Variants in COL9A1 observed in about 807,000 individuals in gnomAD.
COL9A1 encodes the protein collagen type IX alpha 1 chain.
COL9A1 carries 104 observed loss-of-function variants against 142.6 expected under a neutral mutation model. The ratio of observed to expected loss-of-function variants is 0.73; its 90% CI spans 0.62 to 0.86. COL9A1 has a LOEUF of 0.86. Among genes scored for constraint, COL9A1 ranks in the 40% least tolerant of loss-of-function variants. COL9A1 has a pLI of 0.00. For synonymous variants in COL9A1, 466 were observed against 396.0 expected (o/e 1.18, Z -2.10); for missense variants, 1,210 against 1,176.6 (o/e 1.03, Z -0.42).
intron 28 of COL9A1, among the ~76,000 whole-genome samples, chr6:70,247,895 G>T (rs1719915814): frequency 6.6e-6 from 1 of 152,188 alleles, no homozygotes; most frequent in South Asian, 2.1e-4. Context: ...GAGTGGGAGG[G>T]TGGCTTAGAT....
At chr6:70,269,848 G>T (rs1452402055) in intron 15 of COL9A1, among the ~76,000 whole-genome samples, 183 bp from the exon 16 acceptor site, 1 of 152,162 alleles carries the variant, frequency 6.6e-6, no homozygotes, top group African/African-American at 2.4e-5. Context: ...GGAGAGCCAT[G>T]AATTGCAGTA....
In COL9A1 at chr6:70,300,170, C is replaced by A; in HGVS notation, c.172G>T (p.Asp58Tyr). 1 of 1,613,778 alleles carries A rather than the reference C, an allele frequency of 6.2e-7. No homozygotes were observed. The highest frequency in any genetic ancestry group is 8.5e-7 in the Non-Finnish European group (1 of 1,179,910). ...TCTACCTGGAACTGAGAGATCAGAT[C>A]AAACCCTATAGAATGGGAATACAAA... ...RIGQDDLPGFDLISQFQVDKA... is the reference protein window; with the variant it reads ...RIGQDDLPGFYLISQFQVDKA... The change falls in exon 4 of 38, where the codon GAT becomes TAT. Residue 58 changes from aspartate to tyrosine, a missense_variant. By Grantham distance (160) the Asp-to-Tyr change is radical (BLOSUM62 -3). Coordinates refer to ENST00000357250, the MANE Select transcript of COL9A1 (RefSeq NM_001851.6).
chr6:70,267,327 G>GTTTTTTTT lies in COL9A1; in HGVS notation c.1288-565_1288-558dup, dbSNP rs61373051. Among the ~76,000 whole-genome samples, 207 of 127,058 alleles carry GTTTTTTTT rather than the reference G, an allele frequency of 1.6e-3. 11 individuals carry two copies. Among genetic ancestry groups the GTTTTTTTT allele is most frequent in the African/African-American group, 5.8e-3 (196 of 33,662 alleles). 83.4% of individuals were successfully genotyped at this position (127,058 alleles called of 152,430 possible). A position where few individuals can be genotyped will look rare whatever the true frequency, so the allele number is the denominator to read the frequency against. ...TTGTTGTTGTTTGTTTGGTTTTTTT[G>GTTTTTTTT]TTTTTTTTTTTTGAGATGGAGCTTC... On this transcript the variant is annotated intron_variant, in intron 17 of 37. Coordinates refer to ENST00000357250, the MANE Select transcript of COL9A1 (RefSeq NM_001851.6).
At chr6:70,217,343 G>A (rs962564715) in intron 37 of COL9A1, among the ~76,000 whole-genome samples, 10 of 152,134 alleles carry the variant, frequency 6.6e-5, no homozygotes, top group South Asian at 2.1e-4. Flanking sequence ...GAGCTGCACC[G>A]TGCACCATGG....
intron 10 of COL9A1, 76 bp downstream of exon 10, chr6:70,280,732 TCCCC>T: frequency 2.2e-6 from 3 of 1,376,502 alleles, no homozygotes; most frequent in Non-Finnish European, 3.0e-6. Flanking sequence ...TCTCTCTCCC[TCCCC>T]CCCCACAAAA....
intron 28 of COL9A1, among the ~76,000 whole-genome samples, chr6:70,248,804 T>TGAAAACGAC (rs1770752250): frequency 6.6e-6 from 1 of 152,164 alleles, no homozygotes; most frequent in South Asian, 2.1e-4. Context: ...AACACAGCGG[T>TGAAAACGAC]GAAAACGACA....
intron 36 of COL9A1, 34 bp from the exon 37 acceptor site, chr6:70,226,043 A>T: frequency 6.5e-7 from 1 of 1,546,664 alleles, no homozygotes; most frequent in Non-Finnish European, 8.9e-7. Flanking sequence ...ATTTTTCTAC[A>T]TATCTATAAA....
Position 70,216,902 on chromosome 6 carries a change from G to A in COL9A1, c.2761C>T (p.Pro921Ser), listed in dbSNP as rs374561398. Residue 921 changes from proline to serine, a missense_variant, in exon 38 of 38, where the codon CCT becomes TCT. Transcript: ENST00000357250. ...GQRAFNKGPD[P>S] ...GCCATGCAGCAGTAAGCCTTTCAAG[G>A]GTCAGGCCCTTTGTTAAATGCTCGC... 13 of 1,613,894 alleles carry A rather than the reference G, an allele frequency of 8.1e-6. No individual in the cohort carries two copies. The African/African-American group carries it at 1.3e-4, about 17-fold the overall frequency.
intron 1 of COL9A1, among the ~76,000 whole-genome samples, chr6:70,302,313 G>A (rs1774101472): frequency 6.8e-6 from 1 of 146,480 alleles, no homozygotes; most frequent in African/African-American, 2.5e-5. Context: ...GGGTTCAAAC[G>A]ATTCTCCTGC....
At chr6:70,237,959 C>T (rs1387062797) in intron 33 of COL9A1, among the ~76,000 whole-genome samples, 3 of 152,052 alleles carry the variant, frequency 2.0e-5, no homozygotes, top group African/African-American at 7.2e-5. Context: ...GAAGAGGAGA[C>T]CAGAACAAGG....
At position 70,236,882 on chromosome 6, in the gene COL9A1, C is replaced by T. The variant is rs145911632; in HGVS notation, c.2113-1942G>A. Among the ~76,000 whole-genome samples the T allele has an allele frequency of 2.0e-3, 299 of 151,344 alleles. 3 individuals carry two copies. Among genetic ancestry groups the T allele is most frequent in the African/African-American group, 5.6e-3 (229 of 41,076 alleles). ...TGTTGCCCAGGCTGGAGTGCAATGGCGTGATCTCGGCTCACCACAACCTCC... is the reference window on the plus strand; with the variant it reads ...TGTTGCCCAGGCTGGAGTGCAATGGTGTGATCTCGGCTCACCACAACCTCC... On this transcript the variant is annotated intron_variant, in intron 33 of 37. Coordinates refer to ENST00000357250, the MANE Select transcript of COL9A1 (RefSeq NM_001851.6).
chr6:70,270,632 G>C (rs1431974321), intron 14 of COL9A1, among the ~76,000 whole-genome samples: 1 of 152,182 alleles, frequency 6.6e-6, no homozygotes, highest in Non-Finnish European at 1.5e-5. Flanking sequence ...TTCTCTATCA[G>C]ACAAACATTT....
At chr6:70,244,266 G>A (rs1224922893) in intron 28 of COL9A1, among the ~76,000 whole-genome samples, 1 of 152,128 alleles carries the variant, frequency 6.6e-6, no homozygotes, top group Non-Finnish European at 1.5e-5. Flanking sequence ...ATGATGCATT[G>A]GTCCTTAACC....
rs73749922 is a variant in COL9A1 at position 70,241,744 on chromosome 6, C to A, written c.1998+220G>T. ...AAGTAGAAAGTGTGATTACAACGGA[C>A]ATTTTTACTTTTCTCAGCTTTTTTT... On this transcript the variant is annotated intron_variant, in intron 30 of 37. Transcript: ENST00000357250. Among the ~76,000 whole-genome samples, 10,307 of 152,216 alleles carry A rather than the reference C, an allele frequency of 0.068. 365 individuals are homozygous for A. Among genetic ancestry groups the A allele is most frequent in the African/African-American group, 0.082 (3,388 of 41,536 alleles).
At chr6:70,280,971 G>A (rs1773120241) in intron 9 of COL9A1, 33 bp downstream of exon 9, 1 of 1,613,430 alleles carries the variant, frequency 6.2e-7, no homozygotes, top group African/African-American at 1.3e-5. Flanking sequence ...CTAAAGGAAG[G>A]AAGTGGAGCG....
chr6:70,272,118 C>A (rs1293686096), intron 12 of COL9A1, 30 bp from the exon 13 acceptor site: 6 of 1,595,818 alleles, frequency 3.8e-6, no homozygotes, highest in Non-Finnish European at 5.1e-6. Context: ...ATGGTTATAG[C>A]TTGAGGTTTA....
In COL9A1 at chr6:70,254,497, A is replaced by G; in HGVS notation, c.1698T>C (p.Asp566=). ...TTACTGGTAACCCCTGCAATCCTGC[A>G]TCACCAGGAGGCCCAGGTTTTCCTG... ...GEPGKPGPPG[D]AGLQGLPGVP... is the part of the protein sequence containing the mutation. Residue 566 remains aspartate, a synonymous_variant, in exon 25 of 38, where the codon GAT becomes GAC. Coordinates refer to ENST00000357250, the MANE Select transcript of COL9A1 (RefSeq NM_001851.6). 3 of 1,614,198 alleles carry G rather than the reference A, an allele frequency of 1.9e-6. No homozygotes were observed. The highest frequency in any genetic ancestry group is 2.5e-6 in the Non-Finnish European group (3 of 1,180,012).
At position 70,283,005 on chromosome 6, in the gene COL9A1, C is replaced by T. The variant is rs1414472449; in HGVS notation, c.781-87G>A. The stretch of plus-strand genomic sequence containing the variant: ...CTTGAGCCGCGCACAAGCAGAGCCC[C>T]AACAGCAGCAGCCCCAGGGCCCCGC... On this transcript the variant is annotated intron_variant, in intron 6 of 37. Transcript: ENST00000357250. The T allele has an allele frequency of 1.9e-6, 3 of 1,613,112 alleles. No homozygotes were observed. In the African/African-American group the frequency reaches 4.0e-5, roughly 22 times the overall value.
intron 4 of COL9A1, among the ~76,000 whole-genome samples, chr6:70,296,537 G>T (rs1412013183): frequency 6.6e-6 from 1 of 151,990 alleles, no homozygotes; most frequent in Non-Finnish European, 1.5e-5. Context: ...CAATCAGTTT[G>T]TCATATTTTC....
Sources: gnomAD v4.1 joint callset for allele counts (sites outside exome capture counted in the v4.1 genomes callset) on GRCh38, gnomAD v4.1.1 for gene constraint, MANE v1.5 for transcripts, NCBI Gene and HGNC (gene_info 2026-07-23, HGNC 2026-07-21) for gene names.